Variants in C12orf56 observed in about 807,000 individuals in gnomAD.
C12orf56 encodes uncharacterized protein C12orf56.
C12orf56 carries 71 observed loss-of-function variants against 69.9 expected under a neutral mutation model. That is an observed-to-expected ratio of 1.02 (90% CI 0.84 to 1.24). The LOEUF (loss-of-function observed/expected upper bound fraction) is 1.24. Ranked by LOEUF, C12orf56 falls within the 50% of genes most tolerant of loss-of-function variation. The probability of loss-of-function intolerance (pLI) is 0.00; values close to 1 mark genes in which losing one functional copy is unlikely to be tolerated. For missense variants in C12orf56, 732 were observed against 738.5 expected (o/e 0.99, Z 0.10); for synonymous variants, 276 against 274.1 (o/e 1.01, Z -0.07).
At chr12:64,276,004 C>CCG (rs1555185424) in intron 9 of C12orf56, among the ~76,000 whole-genome samples, 6 of 151,054 alleles carry the variant, frequency 4.0e-5, no homozygotes, top group Admixed American at 1.3e-4. Flanking sequence ...AATACACACC[C>CCG]CCCCCCGCGA....
chr12:64,324,037 A>T (rs7957084), intron 3 of C12orf56, among the ~76,000 whole-genome samples: 2 of 152,078 alleles, frequency 1.3e-5, no homozygotes, highest in South Asian at 2.1e-4. Context: ...CCCTCCCCGC[A>T]GAAGCTCATA....
intron 5 of C12orf56, among the ~76,000 whole-genome samples, chr12:64,310,898 A>G (rs979355992): frequency 1.1e-4 from 15 of 138,662 alleles, no homozygotes; most frequent in African/African-American, 3.0e-4. Flanking sequence ...GCCCTGGTGT[A>G]TGATGTCCCC....
chr12:64,373,542 A>C (rs1278885802), intron 1 of C12orf56, among the ~76,000 whole-genome samples: 1 of 152,232 alleles, frequency 6.6e-6, no homozygotes, highest in African/African-American at 2.4e-5. Context: ...ACAGTTTTGA[A>C]ATCAGTGTAA....
chr12:64,304,469 A>G (rs1421665913), intron 5 of C12orf56, among the ~76,000 whole-genome samples: 2 of 152,208 alleles, frequency 1.3e-5, no homozygotes, highest in South Asian at 2.1e-4. Flanking sequence ...CTGGCTTAGC[A>G]GAAAAACCTC....
At chr12:64,276,841 A>C (rs1046135611) in intron 9 of C12orf56, among the ~76,000 whole-genome samples, 17 of 151,156 alleles carry the variant, frequency 1.1e-4, no homozygotes, top group Non-Finnish European at 2.4e-4. Flanking sequence ...AAAAAATACA[A>C]AAATTAGCCA....
At chr12:64,270,453 A>C in intron 12 of C12orf56, 83 bp downstream of exon 12, 1 of 1,145,158 alleles carries the variant, frequency 8.7e-7, no homozygotes, top group South Asian at 1.7e-5. Context: ...AATCTTCTAA[A>C]TATTGGACCA....
At chr12:64,372,174 TTA>T (rs1323593524) in intron 1 of C12orf56, among the ~76,000 whole-genome samples, 1 of 152,178 alleles carries the variant, frequency 6.6e-6, no homozygotes, top group East Asian at 1.9e-4. Flanking sequence ...AAGATAGATA[TTA>T]TATGTTATAG....
chr12:64,353,027 C>T lies in C12orf56; in HGVS notation c.282G>A (p.Ser94=), dbSNP rs147571015. Reference sequence around the variant, plus strand: ...TGTGTTGGCTGATTTCTCTATCTGGCGAACTCAAAAATTCCGGGTAATCAT... The same window carrying T: ...TGTGTTGGCTGATTTCTCTATCTGGTGAACTCAAAAATTCCGGGTAATCAT... ...LIDDYPEFLS[S]PDREISQHIR... The change falls in exon 2 of 13, where the codon TCG becomes TCA. Residue 94 remains serine (S), a synonymous_variant. Coordinates refer to ENST00000543942, the MANE Select transcript of C12orf56 (RefSeq NM_001170633.2). The T allele has an allele frequency of 6.0e-3, 9,663 of 1,608,998 alleles. 77 individuals are homozygous for T. The highest frequency in any genetic ancestry group is 0.028 in the African/African-American group (2,076 of 74,604).
intron 6 of C12orf56, among the ~76,000 whole-genome samples, chr12:64,303,184 G>T (rs1247796094): frequency 6.6e-6 from 1 of 151,920 alleles, no homozygotes; most frequent in Non-Finnish European, 1.5e-5. Flanking sequence ...TGAGGTAAGA[G>T]AATGGCTTAT....
At chr12:64,273,727 G>A (rs10784392) in intron 11 of C12orf56, among the ~76,000 whole-genome samples, 106,995 of 152,142 alleles carry the variant, frequency 0.7, 38,816 homozygotes, top group Non-Finnish European at 0.8. Context: ...CTGCAGGCAG[G>A]GCAGCCACCT....
At chr12:64,368,165 G>A (rs1009057314) in intron 1 of C12orf56, among the ~76,000 whole-genome samples, 10 of 151,870 alleles carry the variant, frequency 6.6e-5, no homozygotes, top group African/African-American at 2.4e-4. Context: ...ATGCAGTAGC[G>A]CAATCATGGC....
intron 1 of C12orf56, among the ~76,000 whole-genome samples, chr12:64,368,012 T>C (rs1339819981): frequency 2.6e-5 from 4 of 152,040 alleles, no homozygotes; most frequent in Non-Finnish European, 5.9e-5. Flanking sequence ...TTCACCAAGT[T>C]GGCCAGGCTG....
intron 2 of C12orf56, among the ~76,000 whole-genome samples, chr12:64,348,614 G>A (rs1052084160): frequency 4.6e-5 from 7 of 152,258 alleles, no homozygotes; most frequent in Admixed American, 3.9e-4. Flanking sequence ...ACAGAAGAGA[G>A]GTAAACAGGA....
At chr12:64,372,280 T>G (rs986536960) in intron 1 of C12orf56, among the ~76,000 whole-genome samples, 1 of 152,252 alleles carries the variant, frequency 6.6e-6, no homozygotes, top group East Asian at 1.9e-4. Flanking sequence ...GAGAACATGC[T>G]ATTAAACGAT....
At position 64,265,175 on chromosome 12, in the gene C12orf56, C is replaced by G. The variant is rs749998192; in HGVS notation, c.*2008G>C. 1.3e-5 allele frequency: 2 copies of G among 152,206 alleles called. No individual in the cohort carries two copies. The highest frequency in any genetic ancestry group is 1.5e-5 in the Non-Finnish European group (1 of 68,060). The allele number at this position is 152,206 out of a possible 1,614,324, so 9.4% of individuals were successfully genotyped here. A position where few individuals can be genotyped will look rare whatever the true frequency, so the allele number is the denominator to read the frequency against. ...GTTTGAGGTAATACTTGCCTATGTT[C>G]CAAGAATCTTTTCATATTCCTTTGA... On this transcript the variant is annotated 3_prime_UTR_variant, in exon 13 of 13. Transcript: ENST00000543942.
At chr12:64,359,553 C>A (rs1350283275) in intron 1 of C12orf56, among the ~76,000 whole-genome samples, 1 of 152,058 alleles carries the variant, frequency 6.6e-6, no homozygotes, top group Non-Finnish European at 1.5e-5. Flanking sequence ...GTTTGTGAAG[C>A]CAGAGAGGAC....
intron 2 of C12orf56, among the ~76,000 whole-genome samples, chr12:64,343,303 T>G (rs2039098863): frequency 6.6e-6 from 1 of 152,194 alleles, no homozygotes; most frequent in African/African-American, 2.4e-5. Flanking sequence ...GTTTGCTACT[T>G]CTTGCTCACT....
At chr12:64,329,134 G>C (rs769174375) in intron 3 of C12orf56, among the ~76,000 whole-genome samples, 2 of 151,824 alleles carry the variant, frequency 1.3e-5, no homozygotes, top group African/African-American at 2.4e-5. Flanking sequence ...CTTCCAGACT[G>C]AAATTTCAAC....
chr12:64,326,851 T>C (rs1211961988), intron 3 of C12orf56, among the ~76,000 whole-genome samples: 2 of 152,206 alleles, frequency 1.3e-5, no homozygotes, highest in Non-Finnish European at 2.9e-5. Flanking sequence ...GTTTGAATAT[T>C]TGTCCCCTCC....
Sources: gnomAD v4.1 joint callset for allele counts (sites outside exome capture counted in the v4.1 genomes callset) on GRCh38, gnomAD v4.1.1 for gene constraint, MANE v1.5 for transcripts, NCBI Gene and HGNC (gene_info 2026-07-23, HGNC 2026-07-21) for gene names.